SH2D4A: variants seen among roughly 807,000 people sequenced by gnomAD.
The protein encoded by SH2D4A is SH2 domain containing 4A, also known as SH2 domain-containing protein 4A.
SH2D4A carries 70 observed loss-of-function variants against 64.7 expected under a neutral mutation model. That is an observed-to-expected ratio of 1.08 (90% CI 0.89 to 1.32). SH2D4A has a LOEUF of 1.32. Ranked by LOEUF, SH2D4A falls within the 40% of genes most tolerant of loss-of-function variation. The pLI is 0.00. For synonymous variants in SH2D4A, 268 were observed against 200.7 expected, an observed-to-expected ratio of 1.34 and a Z score of -2.83; for missense variants, 706 against 540.1, an observed-to-expected ratio of 1.31 and a Z score of -3.04.
chr8:19,315,710 G>A (rs183755095), intron 1 of SH2D4A, among the ~76,000 whole-genome samples: 8 of 152,266 alleles, frequency 5.3e-5, no homozygotes, highest in Non-Finnish European at 1.0e-4. Flanking sequence ...TTGAATAACC[G>A]GAGATTTGCT....
At position 19,379,353 on chromosome 8, in the gene SH2D4A, C is replaced by T. The variant is rs182817316; in HGVS notation, c.1048+5693C>T. Among the ~76,000 whole-genome samples the T allele has an allele frequency of 2.4e-4, 37 of 152,296 alleles. No individual in the cohort carries two copies. In the Middle Eastern group the frequency reaches 0.017, roughly 70 times the overall value. Reference sequence around the variant, plus strand: ...GTTGTTGTGCATGTCAGAATTTCCTCCCTTTTCAAATCAGAATAATACTCC... The same window carrying T: ...GTTGTTGTGCATGTCAGAATTTCCTTCCTTTTCAAATCAGAATAATACTCC... On this transcript the variant is annotated intron_variant, in intron 8 of 9. Coordinates refer to ENST00000265807, the MANE Select transcript of SH2D4A (RefSeq NM_022071.4).
In SH2D4A at chr8:19,393,323, C is replaced by G; in HGVS notation, c.1054C>G (p.Leu352Val). The G allele has an allele frequency of 6.2e-7, 1 of 1,614,124 alleles. No individual in the cohort carries two copies. The highest frequency in any genetic ancestry group is 8.5e-7 in the Non-Finnish European group (1 of 1,180,016). The change falls in exon 9 of 10, where the codon CTC becomes GTC. Residue 352 changes from leucine (L) to valine (V), a missense_variant. Physicochemically the swap from Leu to Val is conservative, Grantham distance 32 (BLOSUM62 1). Transcript: ENST00000265807. ...DTIAPWFHGI[L>V]TLKKANELLL... ...CTTTTTTTGCTTTGCCACAGGAATT[C>G]TCACACTCAAGAAAGCAAATGAACT... is the stretch of plus-strand genomic sequence containing the variant.
At chr8:19,314,013 C>T in intron 1 of SH2D4A, 190 bp downstream of exon 1, 3 of 1,144,848 alleles carry the variant, frequency 2.6e-6, no homozygotes, top group Admixed American at 5.0e-5. Flanking sequence ...GGTTGGGCGG[C>T]GAGAGCGGCC....
intron 8 of SH2D4A, among the ~76,000 whole-genome samples, chr8:19,374,607 G>C (rs1420549466): frequency 6.6e-6 from 1 of 152,194 alleles, no homozygotes; most frequent in Admixed American, 6.5e-5. Flanking sequence ...ATTTGTGACA[G>C]GCTTTCTCCT....
At chr8:19,370,117 T>C (rs1220137361) in intron 7 of SH2D4A, among the ~76,000 whole-genome samples, 1 of 152,022 alleles carries the variant, frequency 6.6e-6, no homozygotes, top group Non-Finnish European at 1.5e-5. Context: ...CTAGTTTTCC[T>C]CCTATTACTG....
intron 2 of SH2D4A, among the ~76,000 whole-genome samples, chr8:19,322,180 G>A (rs1339837809): frequency 6.6e-6 from 1 of 152,134 alleles, no homozygotes; most frequent in Non-Finnish European, 1.5e-5. Context: ...ATCTTGCGCT[G>A]TCTTTGAAGA....
intron 4 of SH2D4A, among the ~76,000 whole-genome samples, chr8:19,335,783 T>C (rs73599062): frequency 0.14 from 21,862 of 152,184 alleles, 1,755 homozygotes; most frequent in Middle Eastern, 0.22. Context: ...ATACTCAGAA[T>C]TGGTATGAAT....
chr8:19,363,892 C>T (rs908870512), intron 6 of SH2D4A, 180 bp from the exon 7 acceptor site: 69 of 619,154 alleles, frequency 1.1e-4, no homozygotes, highest in Non-Finnish European at 1.5e-4. Context: ...AATCCTGCAG[C>T]GAACGCTGGG....
intron 4 of SH2D4A, among the ~76,000 whole-genome samples, chr8:19,335,915 G>A (rs936846817): frequency 2.6e-5 from 4 of 152,164 alleles, no homozygotes; most frequent in African/African-American, 9.7e-5. Flanking sequence ...AGAATTAACA[G>A]GGATTTGCAG....
chr8:19,361,454 C>A, intron 6 of SH2D4A, 140 bp downstream of exon 6: 1 of 809,616 alleles, frequency 1.2e-6, no homozygotes, highest in Non-Finnish European at 1.7e-6. Context: ...AATGTTATTA[C>A]TAACTTATTA....
intron 8 of SH2D4A, 124 bp from the exon 9 acceptor site, chr8:19,393,194 A>T (rs1028022284): frequency 5.6e-5 from 46 of 819,528 alleles, no homozygotes; most frequent in Non-Finnish European, 1.2e-5. Context: ...AAACAGACTT[A>T]AAATTGCTCT....
chr8:19,392,570 T>C (rs1274097677), intron 8 of SH2D4A, among the ~76,000 whole-genome samples: 1 of 152,024 alleles, frequency 6.6e-6, no homozygotes, highest in Non-Finnish European at 1.5e-5. Context: ...CCCAGGCCAT[T>C]GAGTCCTTGT....
intron 4 of SH2D4A, among the ~76,000 whole-genome samples, chr8:19,340,437 C>T (rs1206266671): frequency 1.3e-5 from 2 of 151,958 alleles, no homozygotes; most frequent in East Asian, 1.9e-4. Context: ...AGCTTGGATG[C>T]CTGGGAGAAT....
chr8:19,357,550 CTGCAG>C (rs2153647686), intron 5 of SH2D4A, among the ~76,000 whole-genome samples: 1 of 152,332 alleles, frequency 6.6e-6, no homozygotes, highest in Non-Finnish European at 1.5e-5. Context: ...TCCCAGGCTG[CTGCAG>C]ACATGGAGGG....
intron 4 of SH2D4A, among the ~76,000 whole-genome samples, chr8:19,341,294 TTAACTC>T (rs2052525149): frequency 6.6e-6 from 1 of 152,208 alleles, no homozygotes; most frequent in Admixed American, 6.5e-5. Flanking sequence ...ACAGTTTATT[TTAACTC>T]TAATATCTAA....
At position 19,394,914 on chromosome 8, in the gene SH2D4A, A is replaced by T. The variant is rs1287784808; in HGVS notation, c.*272A>T. 7.4e-6 allele frequency: 2 copies of T among 270,972 alleles called. No homozygotes were observed. The highest frequency in any genetic ancestry group is 1.3e-4 in the East Asian group (2 of 15,336). 16.8% of individuals were successfully genotyped at this position (270,972 alleles called of 1,614,324 possible). On this transcript the variant is annotated 3_prime_UTR_variant, in exon 10 of 10. Transcript: ENST00000265807. ...GAAGGGTATGACCTTAATGATGTAC[A>T]TAAAATAAAACAAATGAAGAAATGG...
At chr8:19,366,459 C>G (rs1289462495) in intron 7 of SH2D4A, among the ~76,000 whole-genome samples, 2 of 152,124 alleles carry the variant, frequency 1.3e-5, no homozygotes, top group Admixed American at 1.3e-4. Flanking sequence ...TTACCATCCC[C>G]CCTACTCTCC....
At chr8:19,370,580 A>T (rs867298066) in intron 7 of SH2D4A, among the ~76,000 whole-genome samples, 34 of 152,002 alleles carry the variant, frequency 2.2e-4, no homozygotes, top group African/African-American at 8.0e-4. Context: ...TTCCATTTGC[A>T]TACAATGTTT....
Position 19,319,466 on chromosome 8 carries a change from G to A in SH2D4A, c.-82G>A, listed in dbSNP as rs2052147325. ...TGGGAAGTTTCGTGGAAACGCCCAA[G>A]TGCCAGCACAGGTGGAGGGACACCT... On this transcript the variant is annotated 5_prime_UTR_variant, in exon 2 of 10. The change creates a new upstream start codon in the 5' untranslated region. Transcript: ENST00000265807. 4.4e-6 allele frequency: 6 copies of A among 1,366,028 alleles called. 1 individual carries two copies. In the Middle Eastern group the frequency reaches 1.0e-3, roughly 235 times the overall value. The allele number at this position is 1,366,028 out of a possible 1,614,324, so 84.6% of individuals were successfully genotyped here.
Sources: gnomAD v4.1 joint callset for allele counts (sites outside exome capture counted in the v4.1 genomes callset) on GRCh38, gnomAD v4.1.1 for gene constraint, MANE v1.5 for transcripts, NCBI Gene and HGNC (gene_info 2026-07-23, HGNC 2026-07-21) for gene names.